THSD4: variants seen among roughly 807,000 people sequenced by gnomAD.
The protein encoded by THSD4 is thrombospondin type-1 domain-containing protein 4.
In THSD4, 69 loss-of-function variants were observed where a neutral mutation model predicts 119.0. The observed-to-expected ratio is 0.58, with a 90% CI of 0.48 to 0.71. THSD4 has a LOEUF of 0.71. THSD4 is among the 30% of genes least tolerant of loss of function. THSD4 has a pLI of 0.00. For synonymous variants in THSD4, 524 were observed against 540.4 expected (o/e 0.97, Z 0.42); for missense variants, 1,393 against 1,391.1 (o/e 1.00, Z -0.02).
At chr15:71,614,049 A>C (rs1180371348) in intron 7 of THSD4, among the ~76,000 whole-genome samples, 2 of 152,242 alleles carry the variant, frequency 1.3e-5, no homozygotes, top group Non-Finnish European at 2.9e-5. Flanking sequence ...TGGTTGAGGC[A>C]GGAACAGAAT....
At chr15:71,172,815 A>G (rs932371781) in intron 3 of THSD4, among the ~76,000 whole-genome samples, 10 of 149,416 alleles carry the variant, frequency 6.7e-5, no homozygotes, top group African/African-American at 2.5e-4. Context: ...CTATGTGCAA[A>G]AACATGAACT....
At chr15:71,281,195 C>A (rs941008242) in intron 6 of THSD4, among the ~76,000 whole-genome samples, 1 of 152,250 alleles carries the variant, frequency 6.6e-6, no homozygotes, top group African/African-American at 2.4e-5. Context: ...GAGAAGTCTA[C>A]TTTGCAAGAC....
intron 6 of THSD4, among the ~76,000 whole-genome samples, chr15:71,293,805 G>T (rs1183593031): frequency 2.6e-5 from 4 of 152,000 alleles, no homozygotes; most frequent in Non-Finnish European, 5.9e-5. Flanking sequence ...GTTTTGGAAG[G>T]GAGAGGAGGT....
At position 71,215,031 on chromosome 15, in the gene THSD4, G is replaced by C. The variant is rs1208663649; in HGVS notation, c.100-4G>C. 3.9e-6 allele frequency: 5 copies of C among 1,272,462 alleles called. No homozygotes were observed. The highest frequency in any genetic ancestry group is 5.0e-6 in the Non-Finnish European group (5 of 1,003,606). The allele number at this position is 1,272,462 out of a possible 1,614,324, so 78.8% of individuals were successfully genotyped here. ...GGTCCCCTAACCTGCCTCTGTCTCC[G>C]CAGGTCCCGCAGCGGATGGCGGCGG... On this transcript the variant is annotated splice_polypyrimidine_tract_variant and splice_region_variant and intron_variant, in intron 3 of 17. Coordinates refer to ENST00000261862, the MANE Select transcript of THSD4 (RefSeq NM_024817.3).
chr15:71,385,669 G>C (rs1465665225), intron 6 of THSD4, among the ~76,000 whole-genome samples: 1 of 152,204 alleles, frequency 6.6e-6, no homozygotes, highest in African/African-American at 2.4e-5. Flanking sequence ...CTGAGACTCA[G>C]TTATCTGTTA....
intron 6 of THSD4, chr15:71,341,768 T>C (rs2045581913): frequency 3.7e-6 from 3 of 813,116 alleles, no homozygotes; most frequent in African/African-American, 1.7e-5. Flanking sequence ...TTTCTTCCTT[T>C]TTTCTCCTAC....
chr15:71,595,618 T>TA (rs398027855), intron 7 of THSD4, among the ~76,000 whole-genome samples: 1 of 150,344 alleles, frequency 6.7e-6, no homozygotes, highest in Non-Finnish European at 1.5e-5. Flanking sequence ...GTTCAGAACT[T>TA]GGAAGCTCAG....
chr15:71,333,823 G>C (rs186743262), intron 6 of THSD4, among the ~76,000 whole-genome samples: 107 of 152,296 alleles, frequency 7.0e-4, no homozygotes, highest in African/African-American at 1.8e-3. Flanking sequence ...ACGGGGCTTA[G>C]TAGATGCTTA....
chr15:71,468,793 CT>C (rs1358882340), intron 7 of THSD4, among the ~76,000 whole-genome samples: 1 of 152,210 alleles, frequency 6.6e-6, no homozygotes, highest in Non-Finnish European at 1.5e-5. Flanking sequence ...TCTAAAGTGA[CT>C]GCTGCAGCTC....
At chr15:71,762,964 A>G (rs1466796035) in intron 15 of THSD4, among the ~76,000 whole-genome samples, 1 of 152,130 alleles carries the variant, frequency 6.6e-6, no homozygotes, top group Non-Finnish European at 1.5e-5. Context: ...CCAACTACTT[A>G]GGAGGCTGAG....
chr15:71,345,797 TG>T (rs66473216), intron 6 of THSD4, among the ~76,000 whole-genome samples: 89,153 of 147,152 alleles, frequency 0.61, 27,892 homozygotes, highest in East Asian at 0.8. Context: ...TTGGGTGTTT[TG>T]TTTTTTTTTT....
chr15:71,135,786 C>T (rs1200088347), intron 1 of THSD4, among the ~76,000 whole-genome samples: 1 of 152,076 alleles, frequency 6.6e-6, no homozygotes, highest in African/African-American at 2.4e-5. Flanking sequence ...CTGCCCCCAC[C>T]TCCATGCATT....
intron 8 of THSD4, among the ~76,000 whole-genome samples, chr15:71,707,172 G>T (rs2052408089): frequency 6.6e-6 from 1 of 152,134 alleles, no homozygotes; most frequent in Non-Finnish European, 1.5e-5. Context: ...CACAAGCTGA[G>T]ACTCCAACCT....
chr15:71,294,142 C>A (rs1006490458), intron 6 of THSD4, among the ~76,000 whole-genome samples: 1 of 152,224 alleles, frequency 6.6e-6, no homozygotes, highest in Non-Finnish European at 1.5e-5. Context: ...TAACACCTCT[C>A]TGAACCAAAG....
intron 7 of THSD4, among the ~76,000 whole-genome samples, chr15:71,469,819 G>A (rs913641148): frequency 6.6e-6 from 1 of 152,064 alleles, no homozygotes; most frequent in African/African-American, 2.4e-5. Flanking sequence ...ATCAATATTC[G>A]TTTAACGAAT....
At chr15:71,450,606 A>C (rs940155974) in intron 7 of THSD4, among the ~76,000 whole-genome samples, 15 of 152,162 alleles carry the variant, frequency 9.9e-5, no homozygotes, top group African/African-American at 3.4e-4. Context: ...ATTAGTGACA[A>C]ATTGGAGTCT....
At chr15:71,293,485 C>T (rs531605216) in intron 6 of THSD4, among the ~76,000 whole-genome samples, 25 of 152,118 alleles carry the variant, frequency 1.6e-4, no homozygotes, top group Non-Finnish European at 2.2e-4. Context: ...ATGGGGGTTA[C>T]GTAGTAGCCT....
At chr15:71,113,921 AG>A (rs1191910646), upstream of THSD4, among the ~76,000 whole-genome samples, 2 of 141,504 alleles carry the variant, frequency 1.4e-5, no homozygotes, top group African/African-American at 5.9e-5. Flanking sequence ...AAAGTTGCGC[AG>A]GTTTTTTTTT....
intron 7 of THSD4, among the ~76,000 whole-genome samples, chr15:71,580,583 T>G (rs2049539118): frequency 6.6e-6 from 1 of 152,124 alleles, no homozygotes; most frequent in African/African-American, 2.4e-5. Flanking sequence ...TCAGAAATTA[T>G]TTATCTTGTG....
Sources: allele counts gnomAD v4.1 joint callset (sites outside exome capture counted in the v4.1 genomes callset), GRCh38; gene constraint gnomAD v4.1.1; transcripts MANE v1.5; gene names NCBI Gene and HGNC (gene_info 2026-07-23, HGNC 2026-07-21).